The following RBPMS2 variants were observed in gnomAD, a reference collection of about 807,000 sequenced individuals.
The protein encoded by RBPMS2 is RNA binding protein, mRNA processing factor 2, also known as RNA-binding protein with multiple splicing 2.
RBPMS2 carries 14 observed loss-of-function variants against 25.7 expected under a neutral mutation model. The ratio of observed to expected loss-of-function variants is 0.55; its 90% CI spans 0.36 to 0.85. The LOEUF is 0.85. RBPMS2 is among the 40% of genes least tolerant of loss of function. The pLI is 0.01. For synonymous variants in RBPMS2, 127 were observed against 115.6 expected (o/e 1.10, Z -0.63); for missense variants, 252 against 283.4 (o/e 0.89, Z 0.80).
chr15:64,744,795 TTTG>T (rs1567062894), intron 6 of RBPMS2, among the ~76,000 whole-genome samples: 12 of 74,520 alleles, frequency 1.6e-4, no homozygotes, highest in African/African-American at 6.4e-4. Context: ...TTTGGTTTGT[TTTG>T]TTTTTTTTTT....
chr15:64,743,965 G>T (rs374354536), intron 6 of RBPMS2, among the ~76,000 whole-genome samples: 32 of 152,182 alleles, frequency 2.1e-4, no homozygotes, highest in African/African-American at 7.2e-4. Flanking sequence ...AATTAGCTGG[G>T]CGTGGTAGCA....
At position 64,775,467 on chromosome 15, in the gene RBPMS2, C is replaced by A; in HGVS notation, c.-148G>T. On this transcript the variant is annotated 5_prime_UTR_variant, in exon 1 of 8. Coordinates refer to ENST00000300069, the MANE Select transcript of RBPMS2 (RefSeq NM_194272.3). ...ACGGGGCAGTGAGAGGGGCAGCCTC[C>A]GCGTCGGGCCAGGGTCACATCAAGT... 1 of 204,090 alleles carries A rather than the reference C, an allele frequency of 4.9e-6. No individual in the cohort carries two copies. The highest frequency in any genetic ancestry group is 9.3e-6 in the Non-Finnish European group (1 of 107,532). 12.6% of individuals were successfully genotyped at this position (204,090 alleles called of 1,614,324 possible).
chr15:64,752,649 C>A (rs2083693879), intron 1 of RBPMS2, among the ~76,000 whole-genome samples: 1 of 150,718 alleles, frequency 6.6e-6, no homozygotes, highest in Non-Finnish European at 1.5e-5. Flanking sequence ...GTTTTGCTGT[C>A]ACCCGGACTG....
In RBPMS2 at chr15:64,744,583, A is replaced by G. The variant is rs1434309486; in HGVS notation, c.568-3341T>C. Among the ~76,000 whole-genome samples, 3 of 82,438 alleles carry G rather than the reference A, an allele frequency of 3.6e-5. No individual in the cohort carries two copies. In the East Asian group the frequency reaches 1.2e-3, roughly 34 times the overall value. 54.1% of individuals were successfully genotyped at this position (82,438 alleles called of 152,430 possible). Reference sequence around the variant, plus strand: ...CAAAAAAAAAAAAAAAGAAAGAAAGAAAACAAAACAGAAGAGGTGCCCAGA... The same window carrying G: ...CAAAAAAAAAAAAAAAGAAAGAAAGGAAACAAAACAGAAGAGGTGCCCAGA... On this transcript the variant is annotated intron_variant, in intron 6 of 7. Coordinates refer to ENST00000300069, the MANE Select transcript of RBPMS2 (RefSeq NM_194272.3).
At chr15:64,759,122 C>T (rs1044411146) in intron 1 of RBPMS2, among the ~76,000 whole-genome samples, 1 of 151,994 alleles carries the variant, frequency 6.6e-6, no homozygotes, top group South Asian at 2.1e-4. Flanking sequence ...CCCACCTCCC[C>T]GGGAGGCCCC....
At chr15:64,750,929 T>G (rs1045313686) in intron 2 of RBPMS2, among the ~76,000 whole-genome samples, 1 of 151,920 alleles carries the variant, frequency 6.6e-6, no homozygotes, top group Non-Finnish European at 1.5e-5. Flanking sequence ...TCCCAGCTAC[T>G]CGGGAGGCAG....
chr15:64,768,705 G>A (rs569614944), intron 1 of RBPMS2, among the ~76,000 whole-genome samples: 1 of 151,302 alleles, frequency 6.6e-6, no homozygotes, highest in Non-Finnish European at 1.5e-5. Flanking sequence ...GCTGAGGTGG[G>A]AAGATCATTT....
intron 1 of RBPMS2, among the ~76,000 whole-genome samples, chr15:64,770,130 G>A (rs2083882559): frequency 6.6e-6 from 1 of 151,958 alleles, no homozygotes. Context: ...AGTGAGCCAA[G>A]ATCATACCAC....
intron 1 of RBPMS2, among the ~76,000 whole-genome samples, chr15:64,770,221 C>A (rs932583379): frequency 6.6e-6 from 1 of 152,092 alleles, no homozygotes; most frequent in African/African-American, 2.4e-5. Context: ...ACCTTTCTCC[C>A]CCTGCCTTCC....
chr15:64,766,901 G>C (rs1265868232), intron 1 of RBPMS2, among the ~76,000 whole-genome samples: 1 of 151,432 alleles, frequency 6.6e-6, no homozygotes, highest in Non-Finnish European at 1.5e-5. Context: ...CTCCTGCCTC[G>C]GCCTCCTGAG....
chr15:64,743,809 A>G (rs559380137), intron 6 of RBPMS2, among the ~76,000 whole-genome samples: 2 of 152,330 alleles, frequency 1.3e-5, no homozygotes, highest in South Asian at 2.1e-4. Flanking sequence ...GAACCTACAT[A>G]AGAATAAATA....
At position 64,775,248 on chromosome 15, in the gene RBPMS2, G is replaced by T; in HGVS notation, c.72C>A (p.Gly24=). 7.6e-7 allele frequency: 1 copy of T among 1,318,204 alleles called. No individual in the cohort carries two copies. Among genetic ancestry groups the T allele is most frequent in the Non-Finnish European group, 9.7e-7 (1 of 1,029,784 alleles). 81.7% of individuals were successfully genotyped at this position (1,318,204 alleles called of 1,614,324 possible). A position where few individuals can be genotyped will look rare whatever the true frequency, so the allele number is the denominator to read the frequency against. The change falls in exon 1 of 8, where the codon GGC becomes GGA. Residue 24 remains glycine (G), a synonymous_variant. Transcript: ENST00000300069. ...TGTGSGAGSG[G]ALEEEVRTLF... is the part of the protein sequence containing the mutation. ...ACAGACCCACCTCCTCCTCCAGGGC[G>T]CCGCCGGAGCCCGCGCCGGAGCCGG...
chr15:64,770,041 T>C (rs1050909995), intron 1 of RBPMS2, among the ~76,000 whole-genome samples: 2 of 151,934 alleles, frequency 1.3e-5, no homozygotes, highest in Admixed American at 6.6e-5. Context: ...TAGCTGGCCG[T>C]AGTGGTGCGC....
intron 1 of RBPMS2, among the ~76,000 whole-genome samples, chr15:64,762,811 T>C (rs115219641): frequency 0.013 from 1,934 of 152,244 alleles, 32 homozygotes; most frequent in African/African-American, 0.045. Context: ...CAGATAAGAC[T>C]CAGCCACCAT....
At chr15:64,763,231 T>G (rs770831089) in intron 1 of RBPMS2, among the ~76,000 whole-genome samples, 5 of 152,094 alleles carry the variant, frequency 3.3e-5, no homozygotes, top group Non-Finnish European at 7.4e-5. Context: ...CCAGGACTTA[T>G]AAGGCTCTGA....
intron 5 of RBPMS2, 106 bp downstream of exon 5, chr15:64,748,894 G>T: frequency 7.6e-7 from 1 of 1,321,526 alleles, no homozygotes; most frequent in Non-Finnish European, 1.0e-6. Flanking sequence ...ATGGGTGGCC[G>T]TGGACACAAA....
intron 1 of RBPMS2, among the ~76,000 whole-genome samples, chr15:64,774,777 C>T (rs1423962028): frequency 6.7e-6 from 1 of 148,780 alleles, no homozygotes; most frequent in Non-Finnish European, 1.5e-5. Context: ...GGGGTCAGGG[C>T]GGAAAAGGCA....
At chr15:64,763,841 T>G (rs1649731663) in intron 1 of RBPMS2, among the ~76,000 whole-genome samples, 1 of 149,788 alleles carries the variant, frequency 6.7e-6, no homozygotes, top group Admixed American at 6.6e-5. Flanking sequence ...TGGGGGGAAC[T>G]AAGCCAGGGT....
chr15:64,766,262 G>A (rs1224825021), intron 1 of RBPMS2, among the ~76,000 whole-genome samples: 1 of 152,092 alleles, frequency 6.6e-6, no homozygotes, highest in African/African-American at 2.4e-5. Flanking sequence ...CTAGGCAAAC[G>A]CTCCCACCAC....
Sources: allele counts gnomAD v4.1 joint callset (sites outside exome capture counted in the v4.1 genomes callset), GRCh38; gene constraint gnomAD v4.1.1; transcripts MANE v1.5; gene names NCBI Gene and HGNC (gene_info 2026-07-23, HGNC 2026-07-21).